Variants in PEX7 observed in about 807,000 individuals in gnomAD.
PEX7 encodes PTS2 receptor.
In PEX7, 34 loss-of-function variants were observed where a neutral mutation model predicts 47.5. The ratio of observed to expected loss-of-function variants is 0.72; its 90% CI spans 0.54 to 0.95. The LOEUF (loss-of-function observed/expected upper bound fraction) is 0.95. Among genes scored for constraint, PEX7 ranks in the 40% least tolerant of loss-of-function variants. The probability of loss-of-function intolerance (pLI) is 0.00; values close to 1 mark genes in which losing one functional copy is unlikely to be tolerated. For missense variants in PEX7, 394 were observed against 400.3 expected, an observed-to-expected ratio of 0.98 and a Z score of 0.13; for synonymous variants, 141 against 148.8, an observed-to-expected ratio of 0.95 and a Z score of 0.38.
At chr6:136,897,895 T>C (rs575334817) in intron 8 of PEX7, among the ~76,000 whole-genome samples, 30 of 152,116 alleles carry the variant, frequency 2.0e-4, no homozygotes, top group African/African-American at 7.2e-4. Flanking sequence ...GGTATACTAA[T>C]GGGAGTAGAA....
At chr6:136,896,873 C>T (rs573302948) in intron 8 of PEX7, among the ~76,000 whole-genome samples, 4 of 152,194 alleles carry the variant, frequency 2.6e-5, no homozygotes, top group East Asian at 3.9e-4. Flanking sequence ...TCAACATTAT[C>T]GGGACCCAGA....
chr6:136,836,913 C>T (rs1191460322), intron 3 of PEX7, among the ~76,000 whole-genome samples: 1 of 152,016 alleles, frequency 6.6e-6, no homozygotes, highest in Non-Finnish European at 1.5e-5. Context: ...AATCATGCCA[C>T]TGCACTCCAG....
At chr6:136,911,637 C>T (rs1428120513) in intron 9 of PEX7, among the ~76,000 whole-genome samples, 2 of 152,052 alleles carry the variant, frequency 1.3e-5, no homozygotes, top group African/African-American at 4.8e-5. Context: ...AAACTCCTGA[C>T]CTGAGGTGAT....
chr6:136,869,775 T>C, intron 6 of PEX7, 115 bp from the exon 7 acceptor site: 2 of 830,164 alleles, frequency 2.4e-6, no homozygotes, highest in Middle Eastern at 2.2e-4. Context: ...CAAAAATGAC[T>C]CCTTGGTTCA....
intron 5 of PEX7, among the ~76,000 whole-genome samples, chr6:136,862,085 G>C (rs1774977090): frequency 1.4e-5 from 2 of 138,548 alleles, no homozygotes; most frequent in South Asian, 4.5e-4. Flanking sequence ...TTTTTTTGGG[G>C]GGACAGAAAC....
chr6:136,847,228 T>G (rs1454215606), intron 5 of PEX7, among the ~76,000 whole-genome samples: 1 of 152,192 alleles, frequency 6.6e-6, no homozygotes, highest in Non-Finnish European at 1.5e-5. Context: ...AAGTTTTTTG[T>G]AGATTCTGGA....
chr6:136,883,181 T>G (rs1192888986), intron 8 of PEX7, among the ~76,000 whole-genome samples: 1 of 152,184 alleles, frequency 6.6e-6, no homozygotes, highest in Non-Finnish European at 1.5e-5. Context: ...TGTTTCTGAG[T>G]GCCAGGTTTA....
At chr6:136,872,331 A>C (rs1322830287) in intron 8 of PEX7, 78 bp downstream of exon 8, 1 of 1,021,556 alleles carries the variant, frequency 9.8e-7, no homozygotes, top group East Asian at 2.4e-5. Flanking sequence ...AAGAGATAAT[A>C]TGATTACTCT....
intron 1 of PEX7, 60 bp downstream of exon 1, chr6:136,822,855 G>A (rs1022696255): frequency 1.9e-6 from 2 of 1,028,654 alleles, no homozygotes; most frequent in Non-Finnish European, 2.4e-6. Flanking sequence ...GGCCAGCCGG[G>A]CTCCAGTTCC....
chr6:136,894,302 CA>C (rs1240871186), intron 8 of PEX7, among the ~76,000 whole-genome samples: 1 of 151,788 alleles, frequency 6.6e-6, no homozygotes, highest in African/African-American at 2.4e-5. Flanking sequence ...ACTAAAAATA[CA>C]AAAATTAGCA....
At chr6:136,825,180 T>G (rs748015289) in intron 1 of PEX7, 34 bp from the exon 2 acceptor site, 14 of 1,584,694 alleles carry the variant, frequency 8.8e-6, no homozygotes, top group African/African-American at 1.3e-5. Flanking sequence ...CCTGGCAGGT[T>G]CAAAGGGATG....
At chr6:136,845,093 T>A (rs906878948) in intron 3 of PEX7, among the ~76,000 whole-genome samples, 1 of 152,240 alleles carries the variant, frequency 6.6e-6, no homozygotes, top group African/African-American at 2.4e-5. Flanking sequence ...AATGGTTCAC[T>A]GAGAGCAGTG....
intron 9 of PEX7, among the ~76,000 whole-genome samples, chr6:136,907,231 A>G (rs1213318480): frequency 3.3e-5 from 5 of 152,156 alleles, no homozygotes; most frequent in Non-Finnish European, 5.9e-5. Flanking sequence ...ATTAATGTCA[A>G]CCACCTGATA....
chr6:136,869,724 T>C (rs886488603), intron 6 of PEX7, among the ~76,000 whole-genome samples, 166 bp from the exon 7 acceptor site: 2 of 152,206 alleles, frequency 1.3e-5, no homozygotes, highest in Non-Finnish European at 2.9e-5. Flanking sequence ...TTGCTATTAA[T>C]GTCTATGTTG....
chr6:136,870,978 C>A (rs1393159679), intron 7 of PEX7, among the ~76,000 whole-genome samples: 1 of 152,120 alleles, frequency 6.6e-6, no homozygotes, highest in African/African-American at 2.4e-5. Context: ...GGATTACAGG[C>A]TGAGTCACTG....
At chr6:136,832,251 G>A (rs578262556) in intron 3 of PEX7, among the ~76,000 whole-genome samples, 10 of 152,266 alleles carry the variant, frequency 6.6e-5, no homozygotes, top group Non-Finnish European at 1.3e-4. Context: ...ACCCTCAGAA[G>A]CAATGGCTTG....
At chr6:136,880,885 C>T (rs1454263271) in intron 8 of PEX7, among the ~76,000 whole-genome samples, 1 of 152,208 alleles carries the variant, frequency 6.6e-6, no homozygotes, top group East Asian at 1.9e-4. Flanking sequence ...GAAGAATAAT[C>T]ACATGGAGGC....
At chr6:136,844,884 A>G (rs961103435) in intron 3 of PEX7, among the ~76,000 whole-genome samples, 1 of 152,240 alleles carries the variant, frequency 6.6e-6, no homozygotes, top group Non-Finnish European at 1.5e-5. Flanking sequence ...GAGTAGTAAG[A>G]TTCAAAGTAA....
chr6:136,857,490 G>C (rs1235490513), intron 5 of PEX7, among the ~76,000 whole-genome samples: 1 of 152,186 alleles, frequency 6.6e-6, no homozygotes, highest in Admixed American at 6.5e-5. Flanking sequence ...TGCACTCTTA[G>C]AGCATATAGT....
Sources: allele counts gnomAD v4.1 joint callset (sites outside exome capture counted in the v4.1 genomes callset), GRCh38; gene constraint gnomAD v4.1.1; transcripts MANE v1.5; gene names NCBI Gene and HGNC (gene_info 2026-07-23, HGNC 2026-07-21).